OSBP2: variants seen among roughly 807,000 people sequenced by gnomAD.
OSBP2 encodes the protein oxysterol-binding protein 2.
OSBP2 carries 66 observed loss-of-function variants against 96.0 expected under a neutral mutation model. That is an observed-to-expected ratio of 0.69 (90% CI 0.56 to 0.84). The LOEUF (loss-of-function observed/expected upper bound fraction) is 0.84, where lower values mean the gene tolerates loss of function less well. Among genes scored for constraint, OSBP2 ranks in the 40% least tolerant of loss-of-function variants. OSBP2 has a pLI of 0.00. For missense variants in OSBP2, 1,038 were observed against 1,222.7 expected (o/e 0.85, Z 2.25); for synonymous variants, 525 against 520.9 (o/e 1.01, Z -0.11).
At chr22:30,708,478 A>ATTTTTTTTTT (rs56361178) in intron 1 of OSBP2, among the ~76,000 whole-genome samples, 4 of 63,476 alleles carry the variant, frequency 6.3e-5, no homozygotes, top group Non-Finnish European at 1.1e-4. Flanking sequence ...AAGGATAAGG[A>ATTTTTTTTTT]TTTTTTTTTT....
At chr22:30,785,576 A>C (rs545860388) in intron 2 of OSBP2, among the ~76,000 whole-genome samples, 1,578 of 146,502 alleles carry the variant, frequency 0.011, 18 homozygotes, top group Non-Finnish European at 0.015. Context: ...CAAAAAAAAA[A>C]AAAAAAACAG....
At chr22:30,851,944 A>G (rs1458643726) in intron 2 of OSBP2, among the ~76,000 whole-genome samples, 1 of 152,100 alleles carries the variant, frequency 6.6e-6, no homozygotes, top group Non-Finnish European at 1.5e-5. Context: ...TTCAGTATTT[A>G]TTGAATTTAC....
At chr22:30,718,662 G>A (rs866572888) in intron 1 of OSBP2, among the ~76,000 whole-genome samples, 34 of 152,364 alleles carry the variant, frequency 2.2e-4, no homozygotes, top group Non-Finnish European at 3.4e-4. Flanking sequence ...TGCCCCTGGG[G>A]CCACAGGCCC....
At chr22:30,882,715 G>A (rs1162360690) in intron 3 of OSBP2, among the ~76,000 whole-genome samples, 2 of 152,220 alleles carry the variant, frequency 1.3e-5, no homozygotes, top group African/African-American at 2.4e-5. Context: ...GATGAGGCTG[G>A]AGAGGATTGG....
intron 2 of OSBP2, among the ~76,000 whole-genome samples, chr22:30,841,316 C>G (rs2147033381): frequency 6.6e-6 from 1 of 152,328 alleles, no homozygotes; most frequent in East Asian, 1.9e-4. Context: ...AGCAGTCAAT[C>G]CCCATTTCTC....
At chr22:30,757,491 C>G (rs1038906126) in intron 2 of OSBP2, among the ~76,000 whole-genome samples, 3 of 151,868 alleles carry the variant, frequency 2.0e-5, no homozygotes, top group Admixed American at 2.0e-4. Flanking sequence ...GATCTCGGCT[C>G]ACTGCAACCT....
At chr22:30,723,793 C>T (rs2089595208) in intron 1 of OSBP2, among the ~76,000 whole-genome samples, 1 of 152,144 alleles carries the variant, frequency 6.6e-6, no homozygotes, top group African/African-American at 2.4e-5. Flanking sequence ...TACAGGATTT[C>T]CCATCTACTC....
intron 2 of OSBP2, among the ~76,000 whole-genome samples, chr22:30,776,975 T>C (rs1203831944): frequency 6.6e-6 from 1 of 152,204 alleles, no homozygotes; most frequent in African/African-American, 2.4e-5. Context: ...GTGGCCTCTT[T>C]GTTTTAGCCA....
intron 2 of OSBP2, among the ~76,000 whole-genome samples, chr22:30,820,215 TAC>T: frequency 6.6e-6 from 1 of 151,938 alleles, no homozygotes. Flanking sequence ...ACTTCATCTC[TAC>T]AAAAAATAAA....
chr22:30,841,204 A>G (rs1602342469), intron 2 of OSBP2, among the ~76,000 whole-genome samples: 1 of 152,106 alleles, frequency 6.6e-6, no homozygotes, highest in Non-Finnish European at 1.5e-5. Flanking sequence ...TAAAAAATAA[A>G]GTGTACAATG....
chr22:30,730,209 G>A (rs1158815910), intron 1 of OSBP2, among the ~76,000 whole-genome samples: 3 of 152,036 alleles, frequency 2.0e-5, no homozygotes, highest in Non-Finnish European at 4.4e-5. Context: ...GTGATTTGAC[G>A]ACCTCGGCCT....
chr22:30,792,545 G>A (rs536505487), intron 2 of OSBP2, among the ~76,000 whole-genome samples: 3 of 152,182 alleles, frequency 2.0e-5, no homozygotes, highest in Middle Eastern at 3.4e-3. Context: ...TAGTCATTGT[G>A]TCTATGCATG....
intron 1 of OSBP2, among the ~76,000 whole-genome samples, chr22:30,728,333 T>TG (rs1296839110): frequency 6.7e-6 from 1 of 148,502 alleles, no homozygotes; most frequent in African/African-American, 2.5e-5. Flanking sequence ...AGGTGGAGCT[T>TG]GCAGTGAGCC....
rs1005000569 is a variant in OSBP2, at chr22:30,870,213, C to T, written c.854-216C>T. On this transcript the variant is annotated intron_variant, in intron 2 of 13. Coordinates refer to ENST00000332585, the MANE Select transcript of OSBP2 (RefSeq NM_030758.4). This position sits in a 1 kb window ranked among gnomAD's most constrained non-coding sequence, Gnocchi z 4.1. ...TGGGCTCTCTTTACAGTCCTTCCCA[C>T]TGACTCAGGTGGGCCCTTGCCCACC... Among the ~76,000 whole-genome samples the T allele has an allele frequency of 3.9e-5, 6 of 152,184 alleles. No individual in the cohort carries two copies. The highest frequency in any genetic ancestry group is 1.3e-4 in the Admixed American group (2 of 15,294).
chr22:30,854,903 G>C (rs775067850), intron 2 of OSBP2, among the ~76,000 whole-genome samples: 1 of 152,188 alleles, frequency 6.6e-6, no homozygotes, highest in African/African-American at 2.4e-5. Flanking sequence ...TTACAGTCGT[G>C]GTGGAAGGGG....
intron 2 of OSBP2, among the ~76,000 whole-genome samples, chr22:30,842,984 A>AC (rs1332463141): frequency 6.6e-6 from 1 of 152,006 alleles, no homozygotes; most frequent in Non-Finnish European, 1.5e-5. Flanking sequence ...AGGTTTCACC[A>AC]CGTTGGCCAG....
At chr22:30,875,073 C>T (rs2039548828) in intron 3 of OSBP2, among the ~76,000 whole-genome samples, 2 of 152,188 alleles carry the variant, frequency 1.3e-5, no homozygotes, top group South Asian at 4.2e-4. Context: ...TAAAGCACTC[C>T]AAGTGGCCCA....
chr22:30,702,068 G>A (rs1160922834), intron 1 of OSBP2, among the ~76,000 whole-genome samples: 1 of 152,102 alleles, frequency 6.6e-6, no homozygotes, highest in Non-Finnish European at 1.5e-5. Flanking sequence ...TCTATGAATA[G>A]CTGAATACCT....
At chr22:30,712,914 G>T (rs1454545242) in intron 1 of OSBP2, among the ~76,000 whole-genome samples, 1 of 151,876 alleles carries the variant, frequency 6.6e-6, no homozygotes, top group Non-Finnish European at 1.5e-5. Flanking sequence ...TTTGGTTTTT[G>T]TTGTTTTTTT....
Sources: allele counts gnomAD v4.1 joint callset (sites outside exome capture counted in the v4.1 genomes callset), GRCh38; gene constraint gnomAD v4.1.1; non-coding constraint Gnocchi (gnomAD v3.1); transcripts MANE v1.5; gene names NCBI Gene and HGNC (gene_info 2026-07-23, HGNC 2026-07-21).